CNTN5: variants seen among roughly 807,000 people sequenced by gnomAD.
The protein encoded by CNTN5 is contactin 5.
A neutral mutation model predicts 129.1 loss-of-function variants in CNTN5; 77 were observed. The ratio of observed to expected loss-of-function variants is 0.60; its 90% CI spans 0.50 to 0.72. The LOEUF (loss-of-function observed/expected upper bound fraction) is 0.72. CNTN5 is among the 30% of genes least tolerant of loss of function. The pLI is 0.00. For missense variants in CNTN5, 1,478 were observed against 1,328.8 expected, an observed-to-expected ratio of 1.11 and a Z score of -1.75; for synonymous variants, 509 against 465.6, an observed-to-expected ratio of 1.09 and a Z score of -1.20.
intron 6 of CNTN5, among the ~76,000 whole-genome samples, chr11:99,905,562 G>A (rs560991986): frequency 5.0e-4 from 76 of 152,284 alleles, no homozygotes; most frequent in Admixed American, 1.3e-3. Flanking sequence ...ATAGTTTAAA[G>A]TAGGGTAGCA....
intron 3 of CNTN5, among the ~76,000 whole-genome samples, chr11:99,651,390 T>A (rs1177453855): frequency 1.8e-4 from 27 of 151,840 alleles, no homozygotes; most frequent in Admixed American, 1.8e-3. Flanking sequence ...AGGAACAATA[T>A]CTTCCCTAAA....
At chr11:99,892,660 G>A (rs903463704) in intron 6 of CNTN5, among the ~76,000 whole-genome samples, 3 of 152,074 alleles carry the variant, frequency 2.0e-5, no homozygotes, top group African/African-American at 7.2e-5. Context: ...TGTTTCTGAG[G>A]CCTCTGTTCC....
At chr11:100,109,742 G>A (rs866459185) in intron 13 of CNTN5, among the ~76,000 whole-genome samples, 1 of 152,144 alleles carries the variant, frequency 6.6e-6, no homozygotes, top group Non-Finnish European at 1.5e-5. Flanking sequence ...TGTTAAGGGC[G>A]CAACCTAACA....
chr11:99,110,121 G>T (rs1857719017), intron 1 of CNTN5, among the ~76,000 whole-genome samples: 2 of 152,114 alleles, frequency 1.3e-5, no homozygotes, highest in Admixed American at 6.5e-5. Flanking sequence ...AGCTTGCCAT[G>T]ACTTCCTCAA....
intron 1 of CNTN5, among the ~76,000 whole-genome samples, chr11:99,111,656 T>TTA (rs954979949): frequency 3.3e-5 from 5 of 151,756 alleles, no homozygotes; most frequent in African/African-American, 7.2e-5. Flanking sequence ...CAGATTATAA[T>TTA]TATATATATA....
At chr11:99,276,217 C>A (rs375137551) in intron 1 of CNTN5, among the ~76,000 whole-genome samples, 1 of 151,684 alleles carries the variant, frequency 6.6e-6, no homozygotes, top group Non-Finnish European at 1.5e-5. Flanking sequence ...AAACATTTGT[C>A]GCATTCAGTT....
intron 6 of CNTN5, among the ~76,000 whole-genome samples, chr11:99,872,104 G>A (rs80078105): frequency 0.039 from 5,897 of 151,822 alleles, 195 homozygotes; most frequent in East Asian, 0.16. Flanking sequence ...TGTCATCTGC[G>A]GGTCACAATA....
chr11:99,191,550 A>G (rs1858643805), intron 1 of CNTN5, among the ~76,000 whole-genome samples: 1 of 151,840 alleles, frequency 6.6e-6, no homozygotes, highest in Non-Finnish European at 1.5e-5. Context: ...ATTCTCCAAG[A>G]TAAATAGTAT....
rs887961975 is a variant in CNTN5 at position 100,356,345 on chromosome 11, G to A, written c.*125G>A. The A allele has an allele frequency of 4.7e-5, 33 of 694,950 alleles. No individual in the cohort carries two copies. In the Admixed American group the frequency reaches 4.9e-4, roughly 10 times the overall value. The allele number at this position is 694,950 out of a possible 1,614,324, so 43.0% of individuals were successfully genotyped here. On this transcript the variant is annotated 3_prime_UTR_variant, in exon 25 of 25. Transcript: ENST00000524871. ...GCTTTAAAAACTTGGGACTATACATGGTGAACTTACAGGAGGTTAGGGGGG... is the reference window on the plus strand; with the variant it reads ...GCTTTAAAAACTTGGGACTATACATAGTGAACTTACAGGAGGTTAGGGGGG...
intron 3 of CNTN5, among the ~76,000 whole-genome samples, chr11:99,699,560 T>G (rs1954428393): frequency 6.6e-6 from 1 of 151,480 alleles, no homozygotes. Context: ...TCTATAAAAC[T>G]GAATCACTAC....
At chr11:99,689,942 C>T (rs951322802) in intron 3 of CNTN5, among the ~76,000 whole-genome samples, 2 of 152,128 alleles carry the variant, frequency 1.3e-5, no homozygotes, top group African/African-American at 2.4e-5. Flanking sequence ...AATTAGATCC[C>T]ATTTGTCAAT....
intron 21 of CNTN5, among the ~76,000 whole-genome samples, chr11:100,326,758 A>G (rs1951796259): frequency 6.6e-6 from 1 of 152,228 alleles, no homozygotes; most frequent in African/African-American, 2.4e-5. Flanking sequence ...GATGTGAGAG[A>G]GAGTGACTAA....
chr11:99,620,986 T>TTG (rs34652067), intron 3 of CNTN5, among the ~76,000 whole-genome samples: 10 of 151,664 alleles, frequency 6.6e-5, no homozygotes, highest in East Asian at 1.9e-4. Context: ...CTATTTTTTT[T>TTG]CATTCAAACA....
At chr11:99,888,618 C>G (rs531194072) in intron 6 of CNTN5, among the ~76,000 whole-genome samples, 2 of 152,288 alleles carry the variant, frequency 1.3e-5, no homozygotes, top group African/African-American at 2.4e-5. Flanking sequence ...AAGCCTGAAG[C>G]TGAATCACAT....
intron 1 of CNTN5, among the ~76,000 whole-genome samples, chr11:99,153,587 C>A: frequency 6.6e-6 from 1 of 151,330 alleles, no homozygotes; most frequent in East Asian, 1.9e-4. Context: ...CTACTTTCTC[C>A]TGAATCTTGA....
intron 3 of CNTN5, among the ~76,000 whole-genome samples, chr11:99,579,128 A>T (rs1949476310): frequency 6.6e-6 from 1 of 152,136 alleles, no homozygotes; most frequent in African/African-American, 2.4e-5. Flanking sequence ...TTTGTCAAAG[A>T]TCAGATAGTT....
chr11:100,221,730 G>A (rs991865621), intron 15 of CNTN5, among the ~76,000 whole-genome samples: 4 of 152,030 alleles, frequency 2.6e-5, no homozygotes, highest in Admixed American at 2.6e-4. Flanking sequence ...GGCGTGTTGT[G>A]TTAAGCACTG....
At chr11:99,960,350 A>C (rs1565724078) in intron 8 of CNTN5, among the ~76,000 whole-genome samples, 1 of 141,784 alleles carries the variant, frequency 7.1e-6, no homozygotes, top group Admixed American at 6.9e-5. Flanking sequence ...TTCCTAAGCT[A>C]CTTTTATGTT....
In CNTN5 at chr11:99,147,897, A is replaced by G. The variant is rs1042393504; in HGVS notation, c.-210+126627A>G. ...TCATTTTATATATTGTAGAAATTCAATGACAGATGCTAACGTATTTATATG... is the reference window on the plus strand; with the variant it reads ...TCATTTTATATATTGTAGAAATTCAGTGACAGATGCTAACGTATTTATATG... On this transcript the variant is annotated intron_variant, in intron 1 of 24. Coordinates refer to ENST00000524871, the MANE Select transcript of CNTN5 (RefSeq NM_014361.4). 7.2e-5 allele frequency among the ~76,000 whole-genome samples: 11 copies of G among 152,250 alleles called. No homozygotes were observed. In the East Asian group the frequency reaches 2.1e-3, roughly 29 times the overall value.
Sources: gnomAD v4.1 joint callset for allele counts (sites outside exome capture counted in the v4.1 genomes callset) on GRCh38, gnomAD v4.1.1 for gene constraint, MANE v1.5 for transcripts, NCBI Gene and HGNC (gene_info 2026-07-23, HGNC 2026-07-21) for gene names.